Variants in ATP11A observed in about 807,000 individuals in gnomAD.
ATP11A encodes ATPase phospholipid transporting 11A, also known as phospholipid-transporting ATPase IH.
Under a neutral mutation model 154.4 loss-of-function variants are expected in ATP11A, and 81 were observed. That is an observed-to-expected ratio of 0.52 (90% CI 0.44 to 0.63). The LOEUF is 0.63. Among genes scored for constraint, ATP11A ranks in the 30% least tolerant of loss-of-function variants. The pLI is 0.00. For synonymous variants in ATP11A, 623 were observed against 585.9 expected (o/e 1.06, Z -0.91); for missense variants, 1,316 against 1,474.3 (o/e 0.89, Z 1.76).
At chr13:112,849,816 C>A (rs773517284) in intron 17 of ATP11A, among the ~76,000 whole-genome samples, 1 of 152,218 alleles carries the variant, frequency 6.6e-6, no homozygotes, top group Non-Finnish European at 1.5e-5. Context: ...GCTGCAAGGT[C>A]GTGTGCTCAG....
chr13:112,699,754 C>T (rs1013705072), intron 1 of ATP11A, among the ~76,000 whole-genome samples: 1 of 152,230 alleles, frequency 6.6e-6, no homozygotes, highest in African/African-American at 2.4e-5. Flanking sequence ...CACTGGGCCC[C>T]TGTGCAGCCT....
rs879835023 is a variant in ATP11A at position 112,882,951 on chromosome 13, T to G, written c.*1085T>G. 2.3e-5 allele frequency: 9 copies of G among 398,950 alleles called. No homozygotes were observed. Among genetic ancestry groups the G allele is most frequent in the Non-Finnish European group, 3.5e-5 (8 of 226,522 alleles). The allele number at this position is 398,950 out of a possible 1,614,324, so 24.7% of individuals were successfully genotyped here. On this transcript the variant is annotated 3_prime_UTR_variant, in exon 30 of 30. Coordinates refer to ENST00000375645, the MANE Select transcript of ATP11A (RefSeq NM_015205.3). The surrounding 1 kb of genome is among the most constrained non-coding windows in gnomAD (Gnocchi z 5.1). ...GGATCCCAACAGGCAGCACCGCACC[T>G]CTGCCCGCCTCCCGCACTGCAGCTC... is the stretch of plus-strand genomic sequence containing the variant.
At chr13:112,793,222 A>G (rs990445828) in intron 2 of ATP11A, among the ~76,000 whole-genome samples, 1 of 152,040 alleles carries the variant, frequency 6.6e-6, no homozygotes, top group Non-Finnish European at 1.5e-5. Context: ...TTCATTTTTG[A>G]GACAGAGTCT....
At chr13:112,865,205 G>A (rs1242819364) in intron 25 of ATP11A, among the ~76,000 whole-genome samples, 1 of 118,090 alleles carries the variant, frequency 8.5e-6, no homozygotes, top group Admixed American at 9.3e-5. Flanking sequence ...CAGTAATTCA[G>A]TGCAGCACGT....
rs77702782 is a variant in ATP11A, at chr13:112,700,697, G to A, written c.39+10242G>A. The stretch of plus-strand genomic sequence containing the variant: ...ATTATCCATAGCGTCCCCTTCACTC[G>A]CAGAAGCGTCCGAGCTTAGACAGCA... On this transcript the variant is annotated intron_variant, in intron 1 of 29. Transcript: ENST00000375645. Among the ~76,000 whole-genome samples, 59 of 152,318 alleles carry A rather than the reference G, an allele frequency of 3.9e-4. No individual in the cohort carries two copies. The East Asian group carries it at 7.7e-3, about 20-fold the overall frequency.
Position 112,696,019 on chromosome 13 carries a change from C to T in ATP11A, c.39+5564C>T, listed in dbSNP as rs1304700472. Among the ~76,000 whole-genome samples, 1 of 152,186 alleles carries T rather than the reference C, an allele frequency of 6.6e-6. No individual in the cohort carries two copies. Among genetic ancestry groups the T allele is most frequent in the Admixed American group, 6.5e-5 (1 of 15,284 alleles). On this transcript the variant is annotated intron_variant, in intron 1 of 29. Transcript: ENST00000375645. This position sits in a 1 kb window ranked among gnomAD's most constrained non-coding sequence, Gnocchi z 6.2. The stretch of plus-strand genomic sequence containing the variant: ...ACATCCCAGAGGTGCCGAGGTTAGG[C>T]GTCGGAGTCTGACAGACCCACATTC...
At chr13:112,803,223 C>G (rs555684375) in intron 2 of ATP11A, among the ~76,000 whole-genome samples, 1 of 152,338 alleles carries the variant, frequency 6.6e-6, no homozygotes, top group African/African-American at 2.4e-5. Flanking sequence ...AAAAGACGCA[C>G]ATGGATTTCC....
chr13:112,870,944 G>T (rs893454161), intron 25 of ATP11A, among the ~76,000 whole-genome samples: 1 of 152,212 alleles, frequency 6.6e-6, no homozygotes, highest in African/African-American at 2.4e-5. Flanking sequence ...TCTGTGCTGC[G>T]TTGCCAGCTG....
At chr13:112,744,387 T>C (rs894143087) in intron 1 of ATP11A, among the ~76,000 whole-genome samples, 4 of 152,210 alleles carry the variant, frequency 2.6e-5, no homozygotes, top group African/African-American at 9.6e-5. Flanking sequence ...GAGGGTGTGA[T>C]GGAGTGCAGT....
At chr13:112,820,744 A>T (rs1009938511) in intron 8 of ATP11A, among the ~76,000 whole-genome samples, 3 of 152,234 alleles carry the variant, frequency 2.0e-5, no homozygotes, top group African/African-American at 7.2e-5. Flanking sequence ...TTAAAGTTGC[A>T]TCTTCTTCAT....
rs1328962093 is a variant in ATP11A, at chr13:112,885,701, C to T, written c.*3835C>T. ...CACATATACACACATGTGCCACAAACAAGTGCACACTGTCCTGGTGTCCTG... is the reference window on the plus strand; with the variant it reads ...CACATATACACACATGTGCCACAAATAAGTGCACACTGTCCTGGTGTCCTG... On this transcript the variant is annotated 3_prime_UTR_variant, in exon 30 of 30. Transcript: ENST00000375645. 2 of 152,360 alleles carry T rather than the reference C, an allele frequency of 1.3e-5. No homozygotes were observed. Among genetic ancestry groups the T allele is most frequent in the African/African-American group, 2.4e-5 (1 of 41,482 alleles). 9.4% of individuals were successfully genotyped at this position (152,360 alleles called of 1,614,324 possible). A position where few individuals can be genotyped will look rare whatever the true frequency, so the allele number is the denominator to read the frequency against.
chr13:112,724,948 GC>G (rs544544046), intron 1 of ATP11A, among the ~76,000 whole-genome samples: 1 of 152,206 alleles, frequency 6.6e-6, no homozygotes, highest in Non-Finnish European at 1.5e-5. Context: ...CTGCGGCCAT[GC>G]CTGTGGTCCC....
At chr13:112,874,016 C>A (rs45478092) in intron 27 of ATP11A, among the ~76,000 whole-genome samples, 13 of 152,330 alleles carry the variant, frequency 8.5e-5, no homozygotes, top group Admixed American at 2.0e-4. Context: ...TCATTTGAAA[C>A]CTGGAAGAAG....
chr13:112,780,420 A>G (rs1163112368), intron 1 of ATP11A, among the ~76,000 whole-genome samples: 1 of 151,368 alleles, frequency 6.6e-6, no homozygotes, highest in African/African-American at 2.4e-5. Flanking sequence ...GCATTTCCTC[A>G]GAATGGACTC....
intron 1 of ATP11A, among the ~76,000 whole-genome samples, chr13:112,733,784 G>C (rs992620259): frequency 5.3e-5 from 8 of 151,932 alleles, no homozygotes; most frequent in Non-Finnish European, 1.2e-4. Context: ...ATATATTTTG[G>C]TTTCTGTTTT....
intron 11 of ATP11A, among the ~76,000 whole-genome samples, chr13:112,826,309 T>C (rs2078932484): frequency 6.6e-6 from 1 of 152,262 alleles, no homozygotes. Flanking sequence ...GCTTAGTTTT[T>C]ACATCTGTAG....
intron 1 of ATP11A, among the ~76,000 whole-genome samples, chr13:112,716,092 G>T (rs1047467880): frequency 4.6e-5 from 7 of 152,222 alleles, no homozygotes; most frequent in Middle Eastern, 3.4e-3. Flanking sequence ...CATTCTCAGT[G>T]GAGTTCCCGG....
intron 1 of ATP11A, among the ~76,000 whole-genome samples, chr13:112,768,585 C>T (rs1045554200): frequency 6.6e-6 from 1 of 152,222 alleles, no homozygotes; most frequent in Non-Finnish European, 1.5e-5. Flanking sequence ...TTGTCTCGGC[C>T]AGTGGCTCGT....
chr13:112,755,441 G>A lies in ATP11A; in HGVS notation c.40-29694G>A, dbSNP rs568348781. On this transcript the variant is annotated intron_variant, in intron 1 of 29. Coordinates refer to ENST00000375645, the MANE Select transcript of ATP11A (RefSeq NM_015205.3). Reference sequence around the variant, plus strand: ...ACCCACAGGGCGCTTGCCAGAGGACGGCCCCGAACTGCCTATGGGATCCCT... The same window carrying A: ...ACCCACAGGGCGCTTGCCAGAGGACAGCCCCGAACTGCCTATGGGATCCCT... Among the ~76,000 whole-genome samples the A allele has an allele frequency of 8.3e-4, 126 of 152,308 alleles. 1 individual carries two copies. The highest frequency in any genetic ancestry group is 1.7e-3 in the Admixed American group (26 of 15,308).
Sources: allele counts gnomAD v4.1 joint callset (sites outside exome capture counted in the v4.1 genomes callset), GRCh38; gene constraint gnomAD v4.1.1; non-coding constraint Gnocchi (gnomAD v3.1); transcripts MANE v1.5; gene names NCBI Gene and HGNC (gene_info 2026-07-23, HGNC 2026-07-21).